Variants in SLC22A31 observed in about 807,000 individuals in gnomAD.
The protein encoded by SLC22A31 is solute carrier family 22 member 31.
SLC22A31 carries 42 observed loss-of-function variants against 27.4 expected under a neutral mutation model. The observed-to-expected ratio is 1.53, with a 90% confidence interval of 1.20 to 1.98. The LOEUF is 1.98. SLC22A31 is among the 30% of genes most tolerant of loss of function. SLC22A31 has a pLI of 0.00. For missense variants in SLC22A31, 593 were observed against 479.9 expected (o/e 1.24, Z -2.20); for synonymous variants, 290 against 230.8 (o/e 1.26, Z -2.33).
chr16:89,199,269 T>C (rs766296768), intron 3 of SLC22A31, 78 bp from the exon 4 acceptor site: 327 of 1,372,092 alleles, frequency 2.4e-4, no homozygotes, highest in Middle Eastern at 1.5e-3. Flanking sequence ...CGGGGACCTA[T>C]TGGTGACCTG....
chr16:89,199,310 GCTCACTGTCCCTGCAGCTCGGGGCC>G, intron 3 of SLC22A31, 78 bp downstream of exon 3: 4 of 1,036,240 alleles, frequency 3.9e-6, no homozygotes, highest in Non-Finnish European at 5.4e-6. Context: ...GGGACTCACT[GCTCACTGTCCCTGCAGCTCGGGGCC>G]CTCGGCAAGG....
chr16:89,199,288 C>A, intron 3 of SLC22A31, 97 bp from the exon 4 acceptor site: 2 of 1,261,302 alleles, frequency 1.6e-6, no homozygotes, highest in Non-Finnish European at 1.1e-6. Context: ...TGCCCAGGAG[C>A]GGGATGCCCA....
At position 89,196,044 on chromosome 16, in the gene SLC22A31, C is replaced by T. The variant is rs1231399315; in HGVS notation, c.1296G>A (p.Pro432=). 15 of 1,528,276 alleles carry T rather than the reference C, an allele frequency of 9.8e-6. No individual in the cohort carries two copies. The highest frequency in any genetic ancestry group is 2.0e-5 in the Admixed American group (1 of 50,596). 94.7% of individuals were successfully genotyped at this position (1,528,276 alleles called of 1,614,324 possible). Residue 432 remains proline, a synonymous_variant, in exon 9 of 9, where the codon CCG becomes CCA. Coordinates refer to ENST00000682282, the MANE Select transcript of SLC22A31 (RefSeq NM_001384763.1). ...GGCCGGCCCAGTAGGAGTTGGAGGG[C>T]GGCAGCAGAGGCAGGTGGTCCTGGC... The part of the protein sequence containing the change: ...RPRQDHLPLL[P]PSNSYWAGHT...
intron 1 of SLC22A31, chr16:89,200,069 A>C: frequency 2.8e-6 from 1 of 360,076 alleles, no homozygotes; most frequent in Non-Finnish European, 4.9e-6. Context: ...TTGTCCCTAG[A>C]TAGGGCCTCC....
chr16:89,201,662 C>T (rs1916629704), upstream of SLC22A31: 1 of 396,626 alleles, frequency 2.5e-6, no homozygotes, highest in Non-Finnish European at 4.5e-6. Flanking sequence ...CCTCCTGCTC[C>T]ATCGGTCGCA....
At position 89,199,061 on chromosome 16, in the gene SLC22A31, C is replaced by G. The variant is rs899527618; in HGVS notation, c.414G>C (p.Leu138=). The G allele has an allele frequency of 4.6e-6, 7 of 1,535,480 alleles. No homozygotes were observed. The African/African-American group carries it at 9.6e-5, about 21-fold the overall frequency. The stretch of plus-strand genomic sequence containing the variant: ...GCAAGAGTCCACTCATCAGGGCACC[C>G]AGCCCCTGCAGAAGACGCCAGTCCT... ...LVQDWRLLQG[L]GALMSGLLLL... The change falls in exon 4 of 9, where the codon CTG becomes CTC. Residue 138 remains leucine (L), a synonymous_variant. Coordinates refer to ENST00000682282, the MANE Select transcript of SLC22A31 (RefSeq NM_001384763.1).
intron 7 of SLC22A31, 77 bp from the exon 8 acceptor site, chr16:89,197,486 G>A: frequency 9.7e-7 from 1 of 1,029,726 alleles, no homozygotes; most frequent in Non-Finnish European, 1.4e-6. Context: ...CTTCCCCAGA[G>A]AACCACACCA....
In SLC22A31 at chr16:89,196,226, G is replaced by T; in HGVS notation, c.1114C>A (p.Gln372Lys). The change falls in exon 9 of 9, where the codon CAG becomes AAG. Residue 372 changes from glutamine (Q) to lysine (K), a missense_variant. Transcript: ENST00000682282. Reference protein sequence around the residue: ...AGPLDTLHGRQGFFLQQVVFA... With the variant: ...AGPLDTLHGRKGFFLQQVVFA... ...ACGACTTGTTGCAGGAAGAAGCCCT[G>T]CCGGCCGTGCAGGGTGTCCAGGGGG... The T allele has an allele frequency of 6.5e-7, 1 of 1,534,642 alleles. No individual in the cohort carries two copies. The highest frequency in any genetic ancestry group is 8.7e-7 in the Non-Finnish European group (1 of 1,146,490).
chr16:89,201,550 C>T (rs897854700), upstream of SLC22A31: 2 of 398,484 alleles, frequency 5.0e-6, no homozygotes, highest in Non-Finnish European at 4.4e-6. Context: ...AGCAGCTCCT[C>T]GGAGCTCAGC....
Position 89,198,776 on chromosome 16 carries a change from C to T in SLC22A31, c.474G>A (p.Glu158=). The T allele has an allele frequency of 6.5e-7, 1 of 1,533,168 alleles. No individual in the cohort carries two copies. Among genetic ancestry groups the T allele is most frequent in the Middle Eastern group, 1.7e-4 (1 of 5,980 alleles). 95.0% of individuals were successfully genotyped at this position (1,533,168 alleles called of 1,614,324 possible). The change falls in exon 5 of 9, where the codon GAG becomes GAA. Residue 158 remains glutamate, a synonymous_variant. Coordinates refer to ENST00000682282, the MANE Select transcript of SLC22A31 (RefSeq NM_001384763.1). ...LFWGFPALFP[E]SPCWLLATGQ... ...CTGTGGCCAGCAGCCAGCAGGGAGACTCGGGGAACAGGGCCGGGAACCTGC... is the reference window on the plus strand; with the variant it reads ...CTGTGGCCAGCAGCCAGCAGGGAGATTCGGGGAACAGGGCCGGGAACCTGC...
Position 89,197,371 on chromosome 16 carries a change from C to G in SLC22A31, c.961G>C (p.Gly321Arg), listed in dbSNP as rs1245347060. The G allele has an allele frequency of 1.3e-6, 2 of 1,535,748 alleles. No homozygotes were observed. The highest frequency in any genetic ancestry group is 1.2e-5 in the South Asian group (1 of 84,028). The change falls in exon 8 of 9, where the codon GGG becomes CGG. Residue 321 changes from glycine to arginine, a missense_variant. Coordinates refer to ENST00000682282, the MANE Select transcript of SLC22A31 (RefSeq NM_001384763.1). The stretch of plus-strand genomic sequence containing the variant: ...GACACAGCCCGGGAGGCCAGGAGCC[C>G]CAGGACAGAGAGGAACAGCACAGTC... ...GWTVLFLSVLGLLASRAVSAL... is the reference protein window; with the variant it reads ...GWTVLFLSVLRLLASRAVSAL...
intron 7 of SLC22A31, among the ~76,000 whole-genome samples, 163 bp downstream of exon 7, chr16:89,197,959 G>T (rs1475633821): frequency 6.6e-6 from 1 of 152,232 alleles, no homozygotes; most frequent in Admixed American, 6.5e-5. Flanking sequence ...AGTCACAAAA[G>T]ATCCTTTTGG....
chr16:89,198,325 C>T lies in SLC22A31; in HGVS notation c.719G>A (p.Gly240Glu), dbSNP rs1164881764. 14 of 1,535,792 alleles carry T rather than the reference C, an allele frequency of 9.1e-6. 1 individual carries two copies. In the Middle Eastern group the frequency reaches 6.7e-4, roughly 73 times the overall value. The change falls in exon 7 of 9, where the codon GGA (glycine) becomes GAA (glutamate). Residue 240 changes from glycine to glutamate, a missense_variant. Coordinates refer to ENST00000682282, the MANE Select transcript of SLC22A31 (RefSeq NM_001384763.1). ...LILGFSSLVGGGIRASFRRSL... is the reference protein window; with the variant it reads ...LILGFSSLVGEGIRASFRRSL... ...GCGGCGGAAGCTAGCTCTGATGCCTCCACCAACCAGCCTGGGAGAGAGAGC... is the reference window on the plus strand; with the variant it reads ...GCGGCGGAAGCTAGCTCTGATGCCTTCACCAACCAGCCTGGGAGAGAGAGC...
upstream of SLC22A31, among the ~76,000 whole-genome samples, chr16:89,200,755 C>A (rs1916516654): frequency 6.6e-6 from 1 of 152,192 alleles, no homozygotes; most frequent in Admixed American, 6.5e-5. Context: ...GTCCCTGCCG[C>A]CCGCCTCCCC....
upstream of SLC22A31, chr16:89,201,361 GC>G (rs34679577): frequency 1 from 338,389 of 338,422 alleles, 169,178 homozygotes; most frequent in Middle Eastern, 1. Context: ...CGGGGCGCGG[GC>G]CCGGGGCGGG....
rs1427807996 is a variant in SLC22A31, at chr16:89,198,667, T to C, written c.583A>G (p.Asn195Asp). The C allele has an allele frequency of 1.3e-6, 2 of 1,535,356 alleles. No homozygotes were observed. Among genetic ancestry groups the C allele is most frequent in the East Asian group, 4.9e-5 (2 of 40,888 alleles). Reference sequence around the variant, plus strand: ...GGCGCCTGACCTGTAGCCAGGGAGTTCTCCTCCAAGGAACTGTCCCCGGGG... The same window carrying C: ...GGCGCCTGACCTGTAGCCAGGGAGTCCTCCTCCAAGGAACTGTCCCCGGGG... The part of the protein sequence containing the change: ...VGPGDSSLEE[N>D]SLATELTMLS... Residue 195 changes from asparagine to aspartate, a missense_variant, in exon 5 of 9, where the codon AAC (asparagine) becomes GAC (aspartate). By Grantham distance (23) the Asn-to-Asp change is conservative. Coordinates refer to ENST00000682282, the MANE Select transcript of SLC22A31 (RefSeq NM_001384763.1).
intron 8 of SLC22A31, among the ~76,000 whole-genome samples, chr16:89,196,871 G>C (rs940489700): frequency 2.0e-4 from 31 of 151,464 alleles, no homozygotes; most frequent in Admixed American, 2.0e-3. Flanking sequence ...GCTTGAACCA[G>C]AGAGTTGGAG....
rs1440428056 is a variant in SLC22A31, at chr16:89,198,423, C to T, written c.707+19G>A. 6.6e-6 allele frequency: 10 copies of T among 1,520,428 alleles called. No homozygotes were observed. Among genetic ancestry groups the T allele is most frequent in the East Asian group, 2.5e-5 (1 of 40,716 alleles). The allele number at this position is 1,520,428 out of a possible 1,614,324, so 94.2% of individuals were successfully genotyped here. On this transcript the variant is annotated intron_variant, in intron 6 of 8. Transcript: ENST00000682282. The stretch of plus-strand genomic sequence containing the variant: ...CACCCCGGGGGATGGTGCAGGACCC[C>T]AGCCCTTCCTCGACTCACGAGCTGA...
chr16:89,195,976 G>A lies in SLC22A31; in HGVS notation c.*23C>T, dbSNP rs1250488471. 1.4e-6 allele frequency: 2 copies of A among 1,467,618 alleles called. No homozygotes were observed. Among genetic ancestry groups the A allele is most frequent in the Non-Finnish European group, 1.8e-6 (2 of 1,112,910 alleles). The allele number at this position is 1,467,618 out of a possible 1,614,324, so 90.9% of individuals were successfully genotyped here. A position where few individuals can be genotyped will look rare whatever the true frequency, so the allele number is the denominator to read the frequency against. On this transcript the variant is annotated 3_prime_UTR_variant, in exon 9 of 9. Coordinates refer to ENST00000682282, the MANE Select transcript of SLC22A31 (RefSeq NM_001384763.1). ...AGGCCTTGACTTTGGTCCCATCCTGGCTCCCAGGGCCACCAGGCAGGACTA... is the reference window on the plus strand; with the variant it reads ...AGGCCTTGACTTTGGTCCCATCCTGACTCCCAGGGCCACCAGGCAGGACTA...
Sources: gnomAD v4.1 joint callset for allele counts (sites outside exome capture counted in the v4.1 genomes callset) on GRCh38, gnomAD v4.1.1 for gene constraint, MANE v1.5 for transcripts, NCBI Gene and HGNC (gene_info 2026-07-23, HGNC 2026-07-21) for gene names.